INPP4B: variants seen among roughly 807,000 people sequenced by gnomAD.
INPP4B encodes inositol polyphosphate 4-phosphatase type II.
INPP4B carries 55 observed loss-of-function variants against 122.5 expected under a neutral mutation model. The observed-to-expected ratio is 0.45, with a 90% CI of 0.36 to 0.56. The LOEUF is 0.56. Among genes scored for constraint, INPP4B ranks in the 20% least tolerant of loss-of-function variants. The probability of loss-of-function intolerance (pLI) is 0.00; values close to 1 mark genes in which losing one functional copy is unlikely to be tolerated. For synonymous variants in INPP4B, 403 were observed against 388.7 expected (o/e 1.04, Z -0.43); for missense variants, 1,000 against 1,097.7 (o/e 0.91, Z 1.26).
chr4:142,530,724 G>A (rs986542831), intron 2 of INPP4B, among the ~76,000 whole-genome samples: 5 of 151,998 alleles, frequency 3.3e-5, no homozygotes, highest in African/African-American at 1.2e-4. Context: ...GTAGATGCCT[G>A]AATAAAGTGA....
chr4:142,223,859 C>T (rs961228748), intron 12 of INPP4B, among the ~76,000 whole-genome samples: 3 of 152,066 alleles, frequency 2.0e-5, no homozygotes, highest in Admixed American at 6.5e-5. Context: ...TTGGATCCTT[C>T]GTTCTTTGTT....
rs1280198246 is a variant in INPP4B, at chr4:142,466,773, T to C, written c.-190-4047A>G. Reference sequence around the variant, plus strand: ...GGCCCAGAGGCCTAGGAGGAAAGAATAGTTTCAGGGGCCAGGTTCAGGGCC... The same window carrying C: ...GGCCCAGAGGCCTAGGAGGAAAGAACAGTTTCAGGGGCCAGGTTCAGGGCC... On this transcript the variant is annotated intron_variant, in intron 2 of 25. Transcript: ENST00000262992. Among the ~76,000 whole-genome samples the C allele has an allele frequency of 5.3e-5, 8 of 152,266 alleles. No individual in the cohort carries two copies. The East Asian group carries it at 1.6e-3, about 30-fold the overall frequency.
intron 3 of INPP4B, among the ~76,000 whole-genome samples, chr4:142,451,004 A>C (rs990855686): frequency 6.7e-6 from 1 of 150,232 alleles, no homozygotes; most frequent in East Asian, 2.0e-4. Context: ...ATAACCTATC[A>C]ATGTAGCATT....
At chr4:142,073,570 A>C (rs1422175714) in intron 25 of INPP4B, among the ~76,000 whole-genome samples, 1 of 152,094 alleles carries the variant, frequency 6.6e-6, no homozygotes, top group Non-Finnish European at 1.5e-5. Context: ...GAAGACAAGA[A>C]GTTTTAGACA....
chr4:142,212,201 G>C (rs1845202376), intron 12 of INPP4B, among the ~76,000 whole-genome samples: 1 of 152,098 alleles, frequency 6.6e-6, no homozygotes, highest in South Asian at 2.1e-4. Flanking sequence ...CCCAAGAGGA[G>C]AGTTTAAGTA....
intron 1 of INPP4B, among the ~76,000 whole-genome samples, chr4:142,820,308 C>T (rs529110209): frequency 6.6e-6 from 1 of 152,232 alleles, no homozygotes; most frequent in Non-Finnish European, 1.5e-5. Flanking sequence ...TGAGCTCTTG[C>T]TCTATTAATT....
At chr4:142,518,441 T>C (rs935907013) in intron 2 of INPP4B, among the ~76,000 whole-genome samples, 2 of 152,182 alleles carry the variant, frequency 1.3e-5, no homozygotes, top group African/African-American at 4.8e-5. Context: ...CCCTGAATTA[T>C]AATTAAGATA....
intron 2 of INPP4B, among the ~76,000 whole-genome samples, chr4:142,492,826 T>G (rs887797277): frequency 6.6e-6 from 1 of 152,136 alleles, no homozygotes; most frequent in Non-Finnish European, 1.5e-5. Flanking sequence ...GAAATTTGCA[T>G]AAGTAATGAG....
chr4:142,474,023 C>G (rs1277774102), intron 2 of INPP4B, among the ~76,000 whole-genome samples: 3 of 152,142 alleles, frequency 2.0e-5, no homozygotes. Context: ...TCCCAGGAAA[C>G]ATCCGGGCTG....
intron 15 of INPP4B, 79 bp downstream of exon 15, chr4:142,193,008 C>T: frequency 1.2e-6 from 1 of 811,074 alleles, no homozygotes; most frequent in South Asian, 1.5e-5. Flanking sequence ...TTGTGATGGA[C>T]CAATCACCTT....
chr4:142,822,648 C>T (rs970255464), intron 1 of INPP4B, among the ~76,000 whole-genome samples: 2 of 152,146 alleles, frequency 1.3e-5, no homozygotes, highest in African/African-American at 4.8e-5. Flanking sequence ...TAAAAACTGT[C>T]TTCCATGAAA....
intron 14 of INPP4B, among the ~76,000 whole-genome samples, chr4:142,206,515 T>C (rs1842660340): frequency 6.6e-6 from 1 of 152,092 alleles, no homozygotes; most frequent in Non-Finnish European, 1.5e-5. Flanking sequence ...TATATATATA[T>C]GATTGGTATG....
intron 1 of INPP4B, among the ~76,000 whole-genome samples, chr4:142,761,933 T>A (rs1771401708): frequency 6.6e-6 from 1 of 152,160 alleles, no homozygotes; most frequent in Admixed American, 6.5e-5. Context: ...ACTAGCCAGA[T>A]TATGGTTCCT....
At chr4:142,345,836 A>C (rs1780153637) in intron 7 of INPP4B, among the ~76,000 whole-genome samples, 1 of 152,000 alleles carries the variant, frequency 6.6e-6, no homozygotes, top group African/African-American at 2.4e-5. Context: ...ATAATTGTCC[A>C]TTTCCCTATA....
chr4:142,653,073 A>G (rs1385701965), intron 2 of INPP4B, among the ~76,000 whole-genome samples: 2 of 152,188 alleles, frequency 1.3e-5, no homozygotes, highest in Non-Finnish European at 2.9e-5. Context: ...AACACCACAC[A>G]TCTACAACCA....
intron 1 of INPP4B, among the ~76,000 whole-genome samples, chr4:142,842,725 A>G (rs1019260306): frequency 2.3e-5 from 3 of 131,810 alleles, no homozygotes; most frequent in African/African-American, 5.7e-5. Flanking sequence ...ATATTAATAT[A>G]TTATAATATT....
intron 25 of INPP4B, among the ~76,000 whole-genome samples, chr4:142,069,522 C>CA (rs536275850): frequency 1.3e-5 from 2 of 151,956 alleles, no homozygotes; most frequent in East Asian, 1.9e-4. Context: ...AAAAACCGTT[C>CA]AAAAAAATCA....
chr4:142,754,583 A>T (rs1284525076), intron 1 of INPP4B, among the ~76,000 whole-genome samples: 2 of 151,910 alleles, frequency 1.3e-5, no homozygotes, highest in Non-Finnish European at 2.9e-5. Flanking sequence ...TTCTTTCCCA[A>T]ATCAAAAAAT....
At chr4:142,053,122 A>G (rs1755564780) in intron 25 of INPP4B, among the ~76,000 whole-genome samples, 1 of 152,018 alleles carries the variant, frequency 6.6e-6, no homozygotes, top group Non-Finnish European at 1.5e-5. Flanking sequence ...TATTAGGCAG[A>G]GAAGGGGAAA....
Sources: gnomAD v4.1 joint callset for allele counts (sites outside exome capture counted in the v4.1 genomes callset) on GRCh38, gnomAD v4.1.1 for gene constraint, MANE v1.5 for transcripts, NCBI Gene and HGNC (gene_info 2026-07-23, HGNC 2026-07-21) for gene names.